CALN1: variants seen among roughly 807,000 people sequenced by gnomAD.
CALN1 encodes the protein calcium-binding protein 8.
CALN1 carries 17 observed loss-of-function variants against 30.6 expected under a neutral mutation model. The ratio of observed to expected loss-of-function variants is 0.56; its 90% confidence interval spans 0.38 to 0.83. CALN1 has a LOEUF of 0.83. Ranked by LOEUF, CALN1 falls within the 40% of genes least tolerant of loss-of-function variation. The probability of loss-of-function intolerance (pLI) is 0.00; values close to 1 mark genes in which losing one functional copy is unlikely to be tolerated. For synonymous variants in CALN1, 156 were observed against 131.4 expected, an observed-to-expected ratio of 1.19 and a Z score of -1.28; for missense variants, 291 against 354.9, an observed-to-expected ratio of 0.82 and a Z score of 1.45.
intron 2 of CALN1, among the ~76,000 whole-genome samples, chr7:72,344,352 C>G (rs1302576852): frequency 6.6e-6 from 1 of 151,534 alleles, no homozygotes; most frequent in African/African-American, 2.4e-5. Context: ...AATAAATAAC[C>G]AGAAAAATTA....
At chr7:71,944,464 C>A (rs553362444) in intron 5 of CALN1, among the ~76,000 whole-genome samples, 4 of 151,644 alleles carry the variant, frequency 2.6e-5, no homozygotes, top group African/African-American at 9.7e-5. Context: ...CATGGTGGCA[C>A]ATGCCTGTAA....
intron 3 of CALN1, among the ~76,000 whole-genome samples, chr7:72,198,977 T>G (rs1203441552): frequency 6.6e-6 from 1 of 152,152 alleles, no homozygotes; most frequent in Non-Finnish European, 1.5e-5. Flanking sequence ...AGTAGAGGTT[T>G]AAAATGGTAA....
the CALN1 span, among the ~76,000 whole-genome samples, chr7:72,470,263 G>T: frequency 1.3e-5 from 2 of 152,174 alleles, no homozygotes; most frequent in African/African-American, 4.8e-5. Flanking sequence ...CCCAGATGAA[G>T]TCAGGTGTGG....
At chr7:72,048,002 C>G (rs571916938) in intron 4 of CALN1, among the ~76,000 whole-genome samples, 1 of 151,130 alleles carries the variant, frequency 6.6e-6, no homozygotes, top group African/African-American at 2.4e-5. Context: ...GCACAGATTT[C>G]AGAGGCTTCA....
chr7:71,831,395 G>T (rs1419104849), intron 5 of CALN1, among the ~76,000 whole-genome samples: 1 of 152,062 alleles, frequency 6.6e-6, no homozygotes, highest in Non-Finnish European at 1.5e-5. Flanking sequence ...TAGGAGAATC[G>T]CTTGAACCCA....
At chr7:71,875,114 G>A in intron 5 of CALN1, among the ~76,000 whole-genome samples, 1 of 129,672 alleles carries the variant, frequency 7.7e-6, no homozygotes, top group Admixed American at 9.0e-5. Context: ...GCAGTGAGTT[G>A]AGATCATACC....
chr7:72,496,489 CT>C, the CALN1 span, among the ~76,000 whole-genome samples: 1 of 152,130 alleles, frequency 6.6e-6, no homozygotes, highest in Non-Finnish European at 1.5e-5. Context: ...AACTATAAGC[CT>C]TGGAAAAATG....
chr7:72,015,583 G>C (rs1403498594), intron 5 of CALN1, among the ~76,000 whole-genome samples: 4 of 152,094 alleles, frequency 2.6e-5, no homozygotes, highest in Non-Finnish European at 5.9e-5. Flanking sequence ...GGGACTACAG[G>C]CATGTGCCAC....
intron 3 of CALN1, among the ~76,000 whole-genome samples, chr7:72,249,545 G>A (rs1795411598): frequency 6.6e-6 from 1 of 150,404 alleles, no homozygotes; most frequent in African/African-American, 2.4e-5. Context: ...GGTCATGCCT[G>A]TAATCACAGC....
chr7:71,999,808 C>T (rs1031986444), intron 5 of CALN1, among the ~76,000 whole-genome samples: 2 of 152,052 alleles, frequency 1.3e-5, no homozygotes, highest in Non-Finnish European at 2.9e-5. Context: ...ACACTGTGCC[C>T]AGCCATATGC....
At chr7:71,896,767 T>C (rs1332801594) in intron 5 of CALN1, among the ~76,000 whole-genome samples, 1 of 152,086 alleles carries the variant, frequency 6.6e-6, no homozygotes, top group Non-Finnish European at 1.5e-5. Context: ...GCCAGAGAGC[T>C]CTTAGCTCCT....
At chr7:71,895,063 T>C (rs890073347) in intron 5 of CALN1, among the ~76,000 whole-genome samples, 2 of 152,034 alleles carry the variant, frequency 1.3e-5, no homozygotes, top group African/African-American at 4.8e-5. Flanking sequence ...CAAGCGAGCC[T>C]CTCATCTCAG....
intron 3 of CALN1, among the ~76,000 whole-genome samples, chr7:72,166,807 C>T (rs992862281): frequency 2.0e-5 from 3 of 152,128 alleles, no homozygotes; most frequent in African/African-American, 4.8e-5. Context: ...CTTTGGGAGG[C>T]CAAGGTGGGT....
intron 3 of CALN1, among the ~76,000 whole-genome samples, chr7:72,233,693 C>G (rs1794269791): frequency 1.3e-5 from 2 of 152,038 alleles, no homozygotes; most frequent in Admixed American, 1.3e-4. Flanking sequence ...GGCAACAGAG[C>G]AAGGCCCTTT....
At chr7:72,331,496 G>A (rs1801675873) in intron 2 of CALN1, among the ~76,000 whole-genome samples, 1 of 152,190 alleles carries the variant, frequency 6.6e-6, no homozygotes. Flanking sequence ...GAATGCAGCA[G>A]AATGATACAG....
At chr7:71,969,100 A>T (rs1797668659) in intron 5 of CALN1, among the ~76,000 whole-genome samples, 1 of 152,052 alleles carries the variant, frequency 6.6e-6, no homozygotes, top group South Asian at 2.1e-4. Flanking sequence ...AATTTTGGAA[A>T]TTATATCTCC....
chr7:72,404,252 T>A (rs140585391), intron 1 of CALN1, among the ~76,000 whole-genome samples: 2 of 152,152 alleles, frequency 1.3e-5, no homozygotes, highest in African/African-American at 4.8e-5. Context: ...CCTCCCAACA[T>A]TGTGTTGAGA....
chr7:72,466,271 G>A, the CALN1 span, among the ~76,000 whole-genome samples: 1 of 152,068 alleles, frequency 6.6e-6, no homozygotes, highest in African/African-American at 2.4e-5. Context: ...ACACACACAG[G>A]TGTGAACAGA....
At chr7:72,384,598 T>C (rs531038106) in intron 2 of CALN1, among the ~76,000 whole-genome samples, 5 of 151,860 alleles carry the variant, frequency 3.3e-5, no homozygotes, top group South Asian at 2.1e-4. Flanking sequence ...GCATGTGTGA[T>C]CAGCTACTGC....
Sources: allele counts gnomAD v4.1 joint callset (sites outside exome capture counted in the v4.1 genomes callset), GRCh38; gene constraint gnomAD v4.1.1; transcripts MANE v1.5; gene names NCBI Gene and HGNC (gene_info 2026-07-23, HGNC 2026-07-21).